The following DBF4 variants were observed in gnomAD, a reference collection of about 807,000 sequenced individuals.
The protein encoded by DBF4 is protein DBF4 homolog A.
A neutral mutation model predicts 76.6 loss-of-function variants in DBF4; 25 were observed. That is an observed-to-expected ratio of 0.33 (90% CI 0.24 to 0.46). DBF4 has a LOEUF of 0.46. Ranked by LOEUF, DBF4 falls within the 20% of genes least tolerant of loss-of-function variation. DBF4 has a pLI of 1.00. For missense variants in DBF4, 638 were observed against 760.8 expected, an observed-to-expected ratio of 0.84 and a Z score of 1.90; for synonymous variants, 213 against 258.0, an observed-to-expected ratio of 0.83 and a Z score of 1.67.
At chr7:87,888,172 G>A (rs1371793013) in intron 6 of DBF4, 113 bp downstream of exon 6, 1 of 1,325,458 alleles carries the variant, frequency 7.5e-7, no homozygotes, top group Non-Finnish European at 9.8e-7. Context: ...TGTGTATGAT[G>A]TGCCTGTTTC....
In DBF4 at chr7:87,903,372, C is replaced by T. The variant is rs145612540; in HGVS notation, c.925-920C>T. Among the ~76,000 whole-genome samples, 680 of 152,340 alleles carry T rather than the reference C, an allele frequency of 4.5e-3. 8 individuals are homozygous for T. The highest frequency in any genetic ancestry group is 0.016 in the African/African-American group (645 of 41,578). The stretch of plus-strand genomic sequence containing the variant: ...AGGACTACAGGCGTAAGCCACTGCG[C>T]CCAGTGGTTTTGACTGCTCTTAAGA... On this transcript the variant is annotated intron_variant, in intron 10 of 11. Coordinates refer to ENST00000265728, the MANE Select transcript of DBF4 (RefSeq NM_006716.4).
chr7:87,903,660 A>C (rs1839843865), intron 10 of DBF4, among the ~76,000 whole-genome samples: 1 of 147,134 alleles, frequency 6.8e-6, no homozygotes, highest in Non-Finnish European at 1.5e-5. Flanking sequence ...GTTTTCCAAA[A>C]TGTTACTGTT....
At chr7:87,901,049 TGATCAC>T (rs1435032892) in intron 10 of DBF4, among the ~76,000 whole-genome samples, 171 bp downstream of exon 10, 1 of 152,156 alleles carries the variant, frequency 6.6e-6, no homozygotes, top group Non-Finnish European at 1.5e-5. Flanking sequence ...TACTACATAC[TGATCAC>T]TACTCTGGGC....
chr7:87,898,692 G>A (rs1839697402), intron 8 of DBF4, among the ~76,000 whole-genome samples: 1 of 151,582 alleles, frequency 6.6e-6, no homozygotes, highest in South Asian at 2.1e-4. Context: ...TCAGGAGGCT[G>A]AGGCAGGAGA....
At position 87,878,085 on chromosome 7, in the gene DBF4, C is replaced by A; in HGVS notation, c.79C>A (p.Pro27Thr). Residue 27 changes from proline (P) to threonine (T), a missense_variant, in exon 2 of 12, where the codon CCA becomes ACA. Pro to Thr is a conservative substitution (Grantham distance 38). Transcript: ENST00000265728. ...CCAAGTCAAAAATGAAAAAAACAGA[C>A]CATCTCTGAAATCTCTGAAAACTGA... ...GIQVKNEKNR[P>T]SLKSLKTDNR... The A allele has an allele frequency of 6.2e-7, 1 of 1,605,760 alleles. No individual in the cohort carries two copies. The highest frequency in any genetic ancestry group is 8.5e-7 in the Non-Finnish European group (1 of 1,177,856).
intron 2 of DBF4, among the ~76,000 whole-genome samples, chr7:87,882,091 T>C (rs1839229118): frequency 1.3e-5 from 2 of 152,060 alleles, no homozygotes; most frequent in South Asian, 4.1e-4. Context: ...ATGTAAGAAA[T>C]TAAAAACCAA....
At position 87,909,548 on chromosome 7, in the gene DBF4, C is replaced by T. The variant is rs1360064372; in HGVS notation, c.*1385C>T. ...TAAAAGAGTCTTTACAGTGCATACACGCAAACCCTGTTTCCATTGTAAATT... is the reference window on the plus strand; with the variant it reads ...TAAAAGAGTCTTTACAGTGCATACATGCAAACCCTGTTTCCATTGTAAATT... On this transcript the variant is annotated 3_prime_UTR_variant, in exon 12 of 12. Coordinates refer to ENST00000265728, the MANE Select transcript of DBF4 (RefSeq NM_006716.4). 5.9e-5 allele frequency: 9 copies of T among 152,294 alleles called. No homozygotes were observed. The highest frequency in any genetic ancestry group is 3.4e-3 in the Middle Eastern group (1 of 294). 9.4% of individuals were successfully genotyped at this position (152,294 alleles called of 1,614,324 possible).
At position 87,908,054 on chromosome 7, in the gene DBF4, A is replaced by G; in HGVS notation, c.1916A>G (p.Glu639Gly). The G allele has an allele frequency of 6.2e-7, 1 of 1,613,790 alleles. No individual in the cohort carries two copies. The highest frequency in any genetic ancestry group is 8.5e-7 in the Non-Finnish European group (1 of 1,179,786). ...TTTTTGGGTTTCACAAGCTACACAGAAAAGAGTGGTATATGCAATGTTTTA... is the reference window on the plus strand; with the variant it reads ...TTTTTGGGTTTCACAAGCTACACAGGAAAGAGTGGTATATGCAATGTTTTA... Reference protein sequence around the residue: ...SEFLGFTSYTEKSGICNVLDI... With the variant: ...SEFLGFTSYTGKSGICNVLDI... The change falls in exon 12 of 12, where the codon GAA (glutamate) becomes GGA (glycine). Residue 639 changes from glutamate to glycine, a missense_variant. Glu to Gly is a moderately conservative substitution (Grantham distance 98). Coordinates refer to ENST00000265728, the MANE Select transcript of DBF4 (RefSeq NM_006716.4).
In DBF4 at chr7:87,888,047, A is replaced by T; in HGVS notation, c.585A>T (p.Ser195=). 1.3e-6 allele frequency: 2 copies of T among 1,562,814 alleles called. No homozygotes were observed. Among genetic ancestry groups the T allele is most frequent in the Non-Finnish European group, 8.6e-7 (1 of 1,158,078 alleles). The stretch of plus-strand genomic sequence containing the variant: ...ATTTACTCAAGAAATCAAGTACTTC[A>T]GTAAGAGATGGGGTATGTTTTCTTT... ...ELYLLKKSST[S]VRDGGKRVGS... Residue 195 remains serine, a synonymous_variant, in exon 6 of 12, where the codon TCA becomes TCT. Coordinates refer to ENST00000265728, the MANE Select transcript of DBF4 (RefSeq NM_006716.4).
chr7:87,888,896 C>T (rs1839423667), intron 6 of DBF4, among the ~76,000 whole-genome samples: 1 of 152,204 alleles, frequency 6.6e-6, no homozygotes, highest in African/African-American at 2.4e-5. Context: ...ATTTCTCAGA[C>T]CATTCTTTTG....
rs975836918 is a variant in DBF4 at position 87,908,999 on chromosome 7, C to T, written c.*836C>T. 2.0e-5 allele frequency: 3 copies of T among 152,082 alleles called. No individual in the cohort carries two copies. The highest frequency in any genetic ancestry group is 6.5e-5 in the Admixed American group (1 of 15,272). 9.4% of individuals were successfully genotyped at this position (152,082 alleles called of 1,614,324 possible). A position where few individuals can be genotyped will look rare whatever the true frequency, so the allele number is the denominator to read the frequency against. ...TCCAGAGGCTGAGAATTGCTTGAAC[C>T]TGGGAAGTGCAGGTTGCAGTGAGCC... On this transcript the variant is annotated 3_prime_UTR_variant, in exon 12 of 12. Coordinates refer to ENST00000265728, the MANE Select transcript of DBF4 (RefSeq NM_006716.4).
Position 87,885,096 on chromosome 7 carries a change from A to G in DBF4, c.337A>G (p.Thr113Ala), listed in dbSNP as rs543945626. 1.2e-4 allele frequency: 193 copies of G among 1,613,740 alleles called. 1 individual carries two copies. In the South Asian group the frequency reaches 1.9e-3, roughly 16 times the overall value. Residue 113 changes from threonine to alanine, a missense_variant, in exon 3 of 12, where the codon ACT (threonine) becomes GCT (alanine). By Grantham distance (58) the Thr-to-Ala change is moderately conservative. Coordinates refer to ENST00000265728, the MANE Select transcript of DBF4 (RefSeq NM_006716.4). ...TGTACCAAGTCCAGAATCTGCATAT[A>G]CTGCAGAAACCACTTCACCTCATCC... is the stretch of plus-strand genomic sequence containing the variant. ...SPVPSPESAY[T>A]AETTSPHPSH...
chr7:87,886,880 G>A lies in DBF4; in HGVS notation c.436G>A (p.Ala146Thr), dbSNP rs753688178. The A allele has an allele frequency of 6.4e-7, 1 of 1,572,012 alleles. No homozygotes were observed. Among genetic ancestry groups the A allele is most frequent in the South Asian group, 1.1e-5 (1 of 87,468 alleles). ...LSRGKLLVEK[A>T]IKDHDFIPSN... ...CAGAGGAAAATTATTAGTTGAAAAA[G>A]CTATCAAGGACCATGTAAGTAGGAA... is the stretch of plus-strand genomic sequence containing the variant. The change falls in exon 4 of 12, where the codon GCT becomes ACT. Residue 146 changes from alanine to threonine, a missense_variant. Transcript: ENST00000265728.
intron 6 of DBF4, 51 bp downstream of exon 6, chr7:87,888,110 T>TA (rs748251145): frequency 1.3e-6 from 2 of 1,510,078 alleles, no homozygotes; most frequent in Non-Finnish European, 8.8e-7. Context: ...TTTTTTTACT[T>TA]ACGTATTTGC....
chr7:87,891,751 T>C (rs1162543129), intron 6 of DBF4, among the ~76,000 whole-genome samples: 1 of 152,186 alleles, frequency 6.6e-6, no homozygotes, highest in Non-Finnish European at 1.5e-5. Context: ...TTTTTGTGTG[T>C]GTGGTTTTCT....
At chr7:87,885,419 A>G in intron 3 of DBF4, among the ~76,000 whole-genome samples, 1 of 152,214 alleles carries the variant, frequency 6.6e-6, no homozygotes. Flanking sequence ...ATAATTTACA[A>G]CTAAAAAGTT....
chr7:87,891,974 A>G (rs981096154), intron 6 of DBF4, among the ~76,000 whole-genome samples: 10 of 152,140 alleles, frequency 6.6e-5, no homozygotes, highest in South Asian at 6.2e-4. Flanking sequence ...ATTTTTTTAG[A>G]GAAGTTTTTG....
At chr7:87,896,604 T>A (rs1024548205) in intron 7 of DBF4, 94 bp downstream of exon 7, 1 of 1,119,282 alleles carries the variant, frequency 8.9e-7, no homozygotes. Flanking sequence ...CTAAATGATT[T>A]ATTCAAGGCT....
At chr7:87,894,451 GGGAAAAAAA>G (rs1483036282) in intron 6 of DBF4, among the ~76,000 whole-genome samples, 2 of 151,778 alleles carry the variant, frequency 1.3e-5, no homozygotes, top group African/African-American at 2.4e-5. Context: ...CCCTGTCTCG[GGGAAAAAAA>G]AGAAAAAAAA....
Sources: gnomAD v4.1 joint callset for allele counts (sites outside exome capture counted in the v4.1 genomes callset) on GRCh38, gnomAD v4.1.1 for gene constraint, MANE v1.5 for transcripts, NCBI Gene and HGNC (gene_info 2026-07-23, HGNC 2026-07-21) for gene names.